Variants in SOX5 observed in about 807,000 individuals in gnomAD.
The protein encoded by SOX5 is transcription factor SOX-5.
SOX5 carries 9 observed loss-of-function variants against 92.0 expected under a neutral mutation model. The observed-to-expected ratio is 0.10, with a 90% CI of 0.06 to 0.17. The LOEUF is 0.17. Among genes scored for constraint, SOX5 ranks in the 10% least tolerant of loss-of-function variants. The pLI, the probability that SOX5 is intolerant of heterozygous loss-of-function variation, is 1.00. For synonymous variants in SOX5, 344 were observed against 336.3 expected, an observed-to-expected ratio of 1.02 and a Z score of -0.25; for missense variants, 642 against 944.5, an observed-to-expected ratio of 0.68 and a Z score of 4.20.
chr12:23,824,198 T>A (rs1850069061), intron 3 of SOX5, among the ~76,000 whole-genome samples: 1 of 152,220 alleles, frequency 6.6e-6, no homozygotes, highest in African/African-American at 2.4e-5. Context: ...GAAGAGCCAT[T>A]CTGGTTTTTG....
rs376401441 is a variant in SOX5 at position 23,970,838 on chromosome 12, A to T, written c.-1-74814T>A. Among the ~76,000 whole-genome samples, 21 of 6,946 alleles carry T rather than the reference A, an allele frequency of 3.0e-3. 5 individuals are homozygous for T. In the South Asian group the frequency reaches 0.069, roughly 23 times the overall value. The allele number at this position is 6,946 out of a possible 152,430, so 4.6% of individuals were successfully genotyped here. A position where few individuals can be genotyped will look rare whatever the true frequency, so the allele number is the denominator to read the frequency against. On this transcript the variant is annotated intron_variant, in intron 4 of 4. Coordinates refer to the SOX5 transcript ENST00000446891. Reference sequence around the variant, plus strand: ...GTCACATGGGACTTTATATATATATATAATTTTTTTTTTTTTTTAAGAAAT... The same window carrying T: ...GTCACATGGGACTTTATATATATATTTAATTTTTTTTTTTTTTTAAGAAAT...
chr12:23,794,464 G>A lies in SOX5; in HGVS notation c.482-38740C>T, dbSNP rs373536182. Among the ~76,000 whole-genome samples, 11 of 152,110 alleles carry A rather than the reference G, an allele frequency of 7.2e-5. No homozygotes were observed. In the East Asian group the frequency reaches 1.5e-3, roughly 21 times the overall value. ...TGTAAACTACTGGGTTAAATGAAAT[G>A]ACATAAGGTAACTGCCAAAAATGAT... On this transcript the variant is annotated intron_variant, in intron 3 of 14. Transcript: ENST00000451604.
intron 1 of SOX5, among the ~76,000 whole-genome samples, chr12:24,503,288 T>C (rs1173473732): frequency 2.0e-5 from 3 of 152,158 alleles, no homozygotes; most frequent in Non-Finnish European, 2.9e-5. Flanking sequence ...TTCCAACAAA[T>C]AGGGAGGCTG....
intron 1 of SOX5, among the ~76,000 whole-genome samples, chr12:23,900,535 T>C (rs2097219576): frequency 6.6e-6 from 1 of 151,776 alleles, no homozygotes; most frequent in Non-Finnish European, 1.5e-5. Flanking sequence ...CCTGGAGAGG[T>C]TTAAAAAATA....
intron 4 of SOX5, among the ~76,000 whole-genome samples, chr12:24,196,733 A>G (rs1412972874): frequency 2.6e-5 from 4 of 152,010 alleles, no homozygotes; most frequent in African/African-American, 7.2e-5. Flanking sequence ...GCAAAACTCC[A>G]TCTCAACAAA....
intron 4 of SOX5, among the ~76,000 whole-genome samples, chr12:24,026,786 A>G (rs116176992): frequency 7.4e-4 from 112 of 152,126 alleles, no homozygotes; most frequent in African/African-American, 2.6e-3. Context: ...CACTGAGGGA[A>G]TTGTGCACTG....
At chr12:23,800,280 A>T (rs751184712) in intron 3 of SOX5, among the ~76,000 whole-genome samples, 1 of 152,232 alleles carries the variant, frequency 6.6e-6, no homozygotes, top group Non-Finnish European at 1.5e-5. Context: ...CAAAATGTCA[A>T]TGAGAATAAT....
At chr12:24,533,945 A>G (rs1597691533) in intron 1 of SOX5, among the ~76,000 whole-genome samples, 1 of 152,242 alleles carries the variant, frequency 6.6e-6, no homozygotes, top group East Asian at 1.9e-4. Flanking sequence ...AAACTTGGCT[A>G]AACCCTAATG....
At chr12:24,032,922 G>A (rs1457082928) in intron 4 of SOX5, among the ~76,000 whole-genome samples, 1 of 151,770 alleles carries the variant, frequency 6.6e-6, no homozygotes, top group African/African-American at 2.4e-5. Flanking sequence ...TGTAACACTT[G>A]GACTTTTTGT....
At chr12:23,872,120 C>G (rs892124629) in intron 2 of SOX5, among the ~76,000 whole-genome samples, 1 of 149,504 alleles carries the variant, frequency 6.7e-6, no homozygotes, top group Non-Finnish European at 1.5e-5. Context: ...GCCTCAGCCT[C>G]CCGAGTAGCT....
chr12:24,471,463 T>C (rs900513007), intron 1 of SOX5, among the ~76,000 whole-genome samples: 3 of 152,204 alleles, frequency 2.0e-5, no homozygotes, highest in African/African-American at 7.2e-5. Context: ...ATCACCATTA[T>C]CCTGAGCATT....
chr12:23,912,794 G>A (rs1369570401), intron 1 of SOX5, among the ~76,000 whole-genome samples: 2 of 151,846 alleles, frequency 1.3e-5, no homozygotes, highest in African/African-American at 4.8e-5. Flanking sequence ...AGAAAAAATT[G>A]TATAGAAAGT....
intron 4 of SOX5, among the ~76,000 whole-genome samples, chr12:24,080,458 C>T (rs976548441): frequency 6.6e-6 from 1 of 152,032 alleles, no homozygotes; most frequent in African/African-American, 2.4e-5. Flanking sequence ...ACATCACGCT[C>T]TTAAAAAGAT....
chr12:23,658,748 C>G (rs566126542), intron 7 of SOX5, among the ~76,000 whole-genome samples: 1 of 152,226 alleles, frequency 6.6e-6, no homozygotes, highest in African/African-American at 2.4e-5. Context: ...AAAAAATTAG[C>G]AAGGCATGGT....
chr12:24,066,048 T>C (rs925328771), intron 4 of SOX5, among the ~76,000 whole-genome samples: 3 of 147,816 alleles, frequency 2.0e-5, no homozygotes, highest in African/African-American at 7.4e-5. Context: ...ACTTACAGTC[T>C]AAAAAAAAAA....
chr12:24,109,197 C>T (rs1337049288), intron 4 of SOX5, among the ~76,000 whole-genome samples: 1 of 152,034 alleles, frequency 6.6e-6, no homozygotes, highest in Non-Finnish European at 1.5e-5. Flanking sequence ...ATTTTCATGT[C>T]ATCAATTTCT....
intron 2 of SOX5, among the ~76,000 whole-genome samples, chr12:24,355,596 C>T (rs1385539840): frequency 6.6e-6 from 1 of 152,088 alleles, no homozygotes; most frequent in Non-Finnish European, 1.5e-5. Flanking sequence ...GATACCTTTC[C>T]TTAGATCATT....
intron 4 of SOX5, among the ~76,000 whole-genome samples, chr12:24,092,267 C>G (rs1447063018): frequency 6.6e-6 from 1 of 151,904 alleles, no homozygotes. Flanking sequence ...TAAAGAAAAA[C>G]TTACTGACTT....
At chr12:23,591,609 A>G (rs1222288744) in intron 9 of SOX5, among the ~76,000 whole-genome samples, 1 of 152,172 alleles carries the variant, frequency 6.6e-6, no homozygotes, top group Admixed American at 6.5e-5. Flanking sequence ...GAGAAACGAC[A>G]GTGCTATTTG....
Sources: gnomAD v4.1 joint callset for allele counts (sites outside exome capture counted in the v4.1 genomes callset) on GRCh38, gnomAD v4.1.1 for gene constraint, MANE v1.5 for transcripts, NCBI Gene and HGNC (gene_info 2026-07-23, HGNC 2026-07-21) for gene names.